SLC44A5: variants seen among roughly 807,000 people sequenced by gnomAD.
SLC44A5 encodes the protein solute carrier family 44 member 5.
A neutral mutation model predicts 101.8 loss-of-function variants in SLC44A5; 57 were observed. The observed-to-expected ratio is 0.56, with a 90% CI of 0.45 to 0.70. The LOEUF (loss-of-function observed/expected upper bound fraction) is 0.70. Among genes scored for constraint, SLC44A5 ranks in the 30% least tolerant of loss-of-function variants. The pLI is 0.00. For missense variants in SLC44A5, 737 were observed against 853.1 expected (o/e 0.86, Z 1.70); for synonymous variants, 281 against 290.9 (o/e 0.97, Z 0.35).
chr1:75,628,011 G>A, the SLC44A5 span, among the ~76,000 whole-genome samples: 10 of 151,024 alleles, frequency 6.6e-5, no homozygotes, highest in East Asian at 1.9e-4. Context: ...CAGCTAGTAC[G>A]TGGCGAAATA....
At chr1:75,341,601 ACAT>A (rs1657887754) in intron 3 of SLC44A5, among the ~76,000 whole-genome samples, 1 of 152,114 alleles carries the variant, frequency 6.6e-6, no homozygotes, top group African/African-American at 2.4e-5. Flanking sequence ...TAAGCTGGAA[ACAT>A]CATTTCAACA....
At chr1:75,664,082 A>G in the SLC44A5 span, among the ~76,000 whole-genome samples, 4 of 151,184 alleles carry the variant, frequency 2.6e-5, no homozygotes, top group African/African-American at 9.7e-5. Context: ...ATAGACACAG[A>G]AAAAGATTTT....
At chr1:75,414,391 C>G (rs905361069) in intron 2 of SLC44A5, among the ~76,000 whole-genome samples, 3 of 151,568 alleles carry the variant, frequency 2.0e-5, no homozygotes, top group African/African-American at 7.3e-5. Flanking sequence ...GAGAGATGCA[C>G]CAGCAAACCT....
At chr1:75,459,740 T>C (rs1168973557) in intron 2 of SLC44A5, among the ~76,000 whole-genome samples, 3 of 152,246 alleles carry the variant, frequency 2.0e-5, no homozygotes, top group African/African-American at 7.2e-5. Context: ...TGCAGGCCAA[T>C]AGTCATAGTC....
intron 2 of SLC44A5, among the ~76,000 whole-genome samples, chr1:75,430,833 C>T (rs748238999): frequency 3.9e-5 from 6 of 152,238 alleles, no homozygotes; most frequent in Non-Finnish European, 5.9e-5. Context: ...AGAAAGATCA[C>T]TGGCCTTGAG....
chr1:75,552,944 T>C (rs1019364288), intron 1 of SLC44A5, among the ~76,000 whole-genome samples: 8 of 152,158 alleles, frequency 5.3e-5, no homozygotes, highest in African/African-American at 1.9e-4. Context: ...GGGAGGTTTT[T>C]TTAAATTCCA....
chr1:75,701,023 C>T, the SLC44A5 span, among the ~76,000 whole-genome samples: 3 of 152,048 alleles, frequency 2.0e-5, no homozygotes, highest in African/African-American at 4.8e-5. Flanking sequence ...TAATAGCTTA[C>T]CAAACAAAAG....
chr1:75,448,833 T>G (rs1665732763), intron 2 of SLC44A5, among the ~76,000 whole-genome samples: 1 of 152,188 alleles, frequency 6.6e-6, no homozygotes. Flanking sequence ...CAATTGCTTA[T>G]CATTATTCTT....
intron 3 of SLC44A5, among the ~76,000 whole-genome samples, chr1:75,352,749 G>A (rs1658780894): frequency 1.3e-5 from 2 of 152,122 alleles, no homozygotes; most frequent in Admixed American, 1.3e-4. Context: ...AACAATTTCA[G>A]TCCTAAATAT....
At chr1:75,312,760 G>A (rs1876032) in intron 4 of SLC44A5, among the ~76,000 whole-genome samples, 32,052 of 151,680 alleles carry the variant, frequency 0.21, 3,585 homozygotes, top group Middle Eastern at 0.31. Context: ...GTACAATTAA[G>A]TGACTGAATA....
intron 5 of SLC44A5, among the ~76,000 whole-genome samples, chr1:75,285,137 CT>C (rs142136834): frequency 0.17 from 25,169 of 151,844 alleles, 2,327 homozygotes; most frequent in South Asian, 0.24. Flanking sequence ...TGGTCCTGGA[CT>C]TTTTTGTTGT....
At chr1:75,723,216 G>A in the SLC44A5 span, among the ~76,000 whole-genome samples, 5 of 152,170 alleles carry the variant, frequency 3.3e-5, no homozygotes, top group South Asian at 2.1e-4. Context: ...GTGTGCTCTC[G>A]TGGCAAGACT....
At chr1:75,570,249 T>C (rs1208069513) in intron 1 of SLC44A5, among the ~76,000 whole-genome samples, 3 of 152,076 alleles carry the variant, frequency 2.0e-5, no homozygotes, top group African/African-American at 7.2e-5. Context: ...AGGATGTAAG[T>C]AACTAACAGA....
intron 5 of SLC44A5, among the ~76,000 whole-genome samples, chr1:75,283,444 T>G (rs1652784393): frequency 6.6e-6 from 1 of 152,206 alleles, no homozygotes. Flanking sequence ...TCCAACTCTG[T>G]GTGTTGTCTG....
At chr1:75,361,006 G>T (rs1378026882) in intron 3 of SLC44A5, among the ~76,000 whole-genome samples, 1 of 151,826 alleles carries the variant, frequency 6.6e-6, no homozygotes, top group African/African-American at 2.4e-5. Flanking sequence ...ACAGTTTTTG[G>T]TATACAAATA....
the SLC44A5 span, among the ~76,000 whole-genome samples, chr1:75,638,336 T>TA: frequency 6.6e-6 from 1 of 152,238 alleles, no homozygotes; most frequent in South Asian, 2.1e-4. Context: ...AATCTAGTTT[T>TA]AATAGCTATT....
chr1:75,440,428 A>C (rs930896292), intron 2 of SLC44A5, among the ~76,000 whole-genome samples: 2 of 152,118 alleles, frequency 1.3e-5, no homozygotes, highest in African/African-American at 4.8e-5. Flanking sequence ...CAAGAATGCC[A>C]GTGTGGCCAT....
chr1:75,437,418 G>A (rs974250672), intron 2 of SLC44A5, among the ~76,000 whole-genome samples: 1 of 152,096 alleles, frequency 6.6e-6, no homozygotes, highest in African/African-American at 2.4e-5. Flanking sequence ...GCACATGACT[G>A]TACATGCAGC....
At chr1:75,300,284 A>G (rs1654347053) in intron 5 of SLC44A5, among the ~76,000 whole-genome samples, 1 of 152,136 alleles carries the variant, frequency 6.6e-6, no homozygotes, top group Non-Finnish European at 1.5e-5. Flanking sequence ...CCTAGTTCTT[A>G]TTAGCAAAGA....
Sources: gnomAD v4.1 joint callset for allele counts (sites outside exome capture counted in the v4.1 genomes callset) on GRCh38, gnomAD v4.1.1 for gene constraint, MANE v1.5 for transcripts, NCBI Gene and HGNC (gene_info 2026-07-23, HGNC 2026-07-21) for gene names.